Variants in KCNQ1OT1 observed in about 807,000 individuals in gnomAD.
The protein encoded by KCNQ1OT1 is KCNQ1 antisense RNA 2 (non-protein coding).
chr11:2,696,148 A>C (rs1219249811), exon 1 of KCNQ1OT1: 18 of 398,456 alleles, frequency 4.5e-5, no homozygotes, highest in Non-Finnish European at 7.1e-5. Flanking sequence ...TTTAGTCTTG[A>C]GGTTTGTGCT....
Position 2,647,620 on chromosome 11 carries a change from G to A in KCNQ1OT1, n.52375C>T. ...TGGTAGAATTCAGTAGAAAACCCGT[G>A]CAATCCTGAGGTTTTCTTTACTGGG... On this transcript the variant is annotated non_coding_transcript_exon_variant, in exon 1 of 1. Transcript: ENST00000597346. This position sits in a 1 kb window ranked among gnomAD's most constrained non-coding sequence, Gnocchi z 4.0. The A allele has an allele frequency of 2.5e-6, 1 of 398,492 alleles. No individual in the cohort carries two copies. Among genetic ancestry groups the A allele is most frequent in the Non-Finnish European group, 4.4e-6 (1 of 226,010 alleles). The allele number at this position is 398,492 out of a possible 1,614,324, so 24.7% of individuals were successfully genotyped here.
exon 1 of KCNQ1OT1, chr11:2,641,389 T>C: frequency 2.5e-6 from 1 of 398,058 alleles, no homozygotes; most frequent in Non-Finnish European, 4.4e-6. Flanking sequence ...ATTACTGATG[T>C]TGGGCTTTTT....
In KCNQ1OT1 at chr11:2,621,035, T is replaced by C; in HGVS notation, n.78960A>G. On this transcript the variant is annotated non_coding_transcript_exon_variant, in exon 1 of 1. Transcript: ENST00000597346. This position sits in a 1 kb window ranked among gnomAD's most constrained non-coding sequence, Gnocchi z 5.7. ...CTCTGTCTCCCAGGCTGGAGTGCAG[T>C]GGCGCAATCTCGGCTCACTGCAACC... 1 of 397,308 alleles carries C rather than the reference T, an allele frequency of 2.5e-6. No individual in the cohort carries two copies. The highest frequency in any genetic ancestry group is 3.6e-5 in the East Asian group (1 of 28,052). 24.6% of individuals were successfully genotyped at this position (397,308 alleles called of 1,614,324 possible). A position where few individuals can be genotyped will look rare whatever the true frequency, so the allele number is the denominator to read the frequency against.
In KCNQ1OT1 at chr11:2,691,166, C is replaced by T. The variant is rs548123415; in HGVS notation, n.8829G>A. On this transcript the variant is annotated non_coding_transcript_exon_variant, in exon 1 of 1. Transcript: ENST00000597346. This position sits in a 1 kb window ranked among gnomAD's most constrained non-coding sequence, Gnocchi z 6.4. ...GTGCTGGCCTCTGGCCTCTCACAGC[C>T]TTGGGAGGGGTGCTCAGAGCTCAGC... 7 of 398,644 alleles carry T rather than the reference C, an allele frequency of 1.8e-5. No individual in the cohort carries two copies. The highest frequency in any genetic ancestry group is 1.2e-4 in the African/African-American group (6 of 48,742). The allele number at this position is 398,644 out of a possible 1,614,324, so 24.7% of individuals were successfully genotyped here.
In KCNQ1OT1 at chr11:2,678,132, C is replaced by T; in HGVS notation, n.21863G>A. ...TCATATTCATTGAAAATATTTTATC[C>T]TCATTTTCCTTAGGTGTTTTGGCTT... On this transcript the variant is annotated non_coding_transcript_exon_variant, in exon 1 of 1. Transcript: ENST00000597346. The surrounding 1 kb of genome is among the most constrained non-coding windows in gnomAD (Gnocchi z 4.9). 2.5e-6 allele frequency: 1 copy of T among 398,154 alleles called. No individual in the cohort carries two copies. Among genetic ancestry groups the T allele is most frequent in the Non-Finnish European group, 4.4e-6 (1 of 225,918 alleles). The allele number at this position is 398,154 out of a possible 1,614,324, so 24.7% of individuals were successfully genotyped here.
At position 2,623,949 on chromosome 11, in the gene KCNQ1OT1, A is replaced by G; in HGVS notation, n.76046T>C. On this transcript the variant is annotated non_coding_transcript_exon_variant, in exon 1 of 1. Coordinates refer to ENST00000597346, the Ensembl canonical transcript of KCNQ1OT1. This position sits in a 1 kb window ranked among gnomAD's most constrained non-coding sequence, Gnocchi z 5.2. Reference sequence around the variant, plus strand: ...TTTTTAATTCTTTGAAGAACCACCAAACTCTTCTCCACCAGGGCTGCACCA... The same window carrying G: ...TTTTTAATTCTTTGAAGAACCACCAGACTCTTCTCCACCAGGGCTGCACCA... The G allele has an allele frequency of 2.5e-6, 1 of 398,634 alleles. No homozygotes were observed. Among genetic ancestry groups the G allele is most frequent in the Non-Finnish European group, 4.4e-6 (1 of 226,076 alleles). 24.7% of individuals were successfully genotyped at this position (398,634 alleles called of 1,614,324 possible).
At chr11:2,655,350 A>C in exon 1 of KCNQ1OT1, 1 of 398,698 alleles carries the variant, frequency 2.5e-6, no homozygotes, top group Admixed American at 4.4e-5. Context: ...GAATTAAAGC[A>C]TCAAAAACCA....
rs1850029123 is a variant in KCNQ1OT1 at position 2,664,555 on chromosome 11, C to G, written n.35440G>C. The G allele has an allele frequency of 2.5e-6, 1 of 398,546 alleles. No homozygotes were observed. Among genetic ancestry groups the G allele is most frequent in the Admixed American group, 4.4e-5 (1 of 22,722 alleles). The allele number at this position is 398,546 out of a possible 1,614,324, so 24.7% of individuals were successfully genotyped here. A position where few individuals can be genotyped will look rare whatever the true frequency, so the allele number is the denominator to read the frequency against. ...CCGCCTGGCGGCAGGGGTGTGGGGG[C>G]CGTGCAGGTCTTCTGCCCGCATTGG... On this transcript the variant is annotated non_coding_transcript_exon_variant, in exon 1 of 1. Transcript: ENST00000597346. The surrounding 1 kb of genome is among the most constrained non-coding windows in gnomAD (Gnocchi z 5.1).
chr11:2,699,409 G>A (rs1188633340), exon 1 of KCNQ1OT1: 2 of 403,448 alleles, frequency 5.0e-6, no homozygotes, highest in Non-Finnish European at 8.7e-6. Context: ...CAGAGAGATG[G>A]GGAGGGCCGC....
At position 2,623,076 on chromosome 11, in the gene KCNQ1OT1, G is replaced by C. The variant is rs1418631194; in HGVS notation, n.76919C>G. On this transcript the variant is annotated non_coding_transcript_exon_variant, in exon 1 of 1. Transcript: ENST00000597346. The surrounding 1 kb of genome is among the most constrained non-coding windows in gnomAD (Gnocchi z 5.2). ...CTTCCCCCTTGCTGTTCTCATGATA[G>C]TGAGTTCTCATGAGATCTGGTTGTT... 2.5e-6 allele frequency: 1 copy of C among 398,504 alleles called. No homozygotes were observed. The highest frequency in any genetic ancestry group is 2.1e-5 in the African/African-American group (1 of 48,608). The allele number at this position is 398,504 out of a possible 1,614,324, so 24.7% of individuals were successfully genotyped here. A position where few individuals can be genotyped will look rare whatever the true frequency, so the allele number is the denominator to read the frequency against.
chr11:2,645,053 A>G lies in KCNQ1OT1; in HGVS notation n.54942T>C, dbSNP rs977018995. 3.3e-5 allele frequency: 13 copies of G among 398,690 alleles called. No homozygotes were observed. Among genetic ancestry groups the G allele is most frequent in the South Asian group, 2.5e-4 (2 of 7,864 alleles). 24.7% of individuals were successfully genotyped at this position (398,690 alleles called of 1,614,324 possible). A position where few individuals can be genotyped will look rare whatever the true frequency, so the allele number is the denominator to read the frequency against. On this transcript the variant is annotated non_coding_transcript_exon_variant, in exon 1 of 1. Coordinates refer to ENST00000597346, the Ensembl canonical transcript of KCNQ1OT1. The surrounding 1 kb of genome is among the most constrained non-coding windows in gnomAD (Gnocchi z 5.8). ...CTCCAGGCAACTTGCTCAGGTGCCA[A>G]TGATGACAGAGCTGGGCCACAGGGT...
In KCNQ1OT1 at chr11:2,617,938, C is replaced by T; in HGVS notation, n.82057G>A. 1 of 398,538 alleles carries T rather than the reference C, an allele frequency of 2.5e-6. No individual in the cohort carries two copies. The highest frequency in any genetic ancestry group is 3.6e-5 in the East Asian group (1 of 28,074). 24.7% of individuals were successfully genotyped at this position (398,538 alleles called of 1,614,324 possible). A position where few individuals can be genotyped will look rare whatever the true frequency, so the allele number is the denominator to read the frequency against. On this transcript the variant is annotated non_coding_transcript_exon_variant, in exon 1 of 1. Transcript: ENST00000597346. The surrounding 1 kb of genome is among the most constrained non-coding windows in gnomAD (Gnocchi z 4.6). ...CCTTATAAATTTTGGATATTATCCT[C>T]TTATAAGATATATGGTTGGCAAATA...
chr11:2,682,546 AG>A lies in KCNQ1OT1; in HGVS notation n.17448del. 1 of 398,536 alleles carries A rather than the reference AG, an allele frequency of 2.5e-6. No individual in the cohort carries two copies. Among genetic ancestry groups the A allele is most frequent in the Non-Finnish European group, 4.4e-6 (1 of 226,074 alleles). 24.7% of individuals were successfully genotyped at this position (398,536 alleles called of 1,614,324 possible). On this transcript the variant is annotated non_coding_transcript_exon_variant, in exon 1 of 1. Transcript: ENST00000597346. This position sits in a 1 kb window ranked among gnomAD's most constrained non-coding sequence, Gnocchi z 5.8. Reference sequence around the variant, plus strand: ...TCAAACCAGGTGCTAGGACCCTGGCAGGGGTTCCATAAGGCTATGCTGGGGT... The same window carrying A: ...TCAAACCAGGTGCTAGGACCCTGGCAGGGTTCCATAAGGCTATGCTGGGGT...
Position 2,661,214 on chromosome 11 carries a change from C to G in KCNQ1OT1, n.38781G>C, listed in dbSNP as rs899547336. On this transcript the variant is annotated non_coding_transcript_exon_variant, in exon 1 of 1. Coordinates refer to ENST00000597346, the Ensembl canonical transcript of KCNQ1OT1. This position sits in a 1 kb window ranked among gnomAD's most constrained non-coding sequence, Gnocchi z 5.9. ...CATTGTGAATCTTTGAATTATTCCA[C>G]TTCTCACAGATGAGTACTTAATCCT... The G allele has an allele frequency of 2.5e-6, 1 of 398,666 alleles. No individual in the cohort carries two copies. Among genetic ancestry groups the G allele is most frequent in the Non-Finnish European group, 4.4e-6 (1 of 226,130 alleles). The allele number at this position is 398,666 out of a possible 1,614,324, so 24.7% of individuals were successfully genotyped here. A position where few individuals can be genotyped will look rare whatever the true frequency, so the allele number is the denominator to read the frequency against.
rs1189620400 is a variant in KCNQ1OT1 at position 2,698,608 on chromosome 11, C to A, written n.1387G>T. On this transcript the variant is annotated non_coding_transcript_exon_variant, in exon 1 of 1. Transcript: ENST00000597346. The surrounding 1 kb of genome is among the most constrained non-coding windows in gnomAD (Gnocchi z 5.1). ...TAGAGGCAGAACTTCGACTTCAATT[C>A]CTGACTCCCATACCCCACTGAGACC... The A allele has an allele frequency of 3.0e-5, 12 of 398,460 alleles. No individual in the cohort carries two copies. 24.7% of individuals were successfully genotyped at this position (398,460 alleles called of 1,614,324 possible).
In KCNQ1OT1 at chr11:2,661,580, G is replaced by A; in HGVS notation, n.38415C>T. 1.8e-6 allele frequency: 1 copy of A among 559,464 alleles called. No individual in the cohort carries two copies. The highest frequency in any genetic ancestry group is 3.2e-6 in the Non-Finnish European group (1 of 314,870). The allele number at this position is 559,464 out of a possible 1,614,324, so 34.7% of individuals were successfully genotyped here. On this transcript the variant is annotated non_coding_transcript_exon_variant, in exon 1 of 1. Coordinates refer to ENST00000597346, the Ensembl canonical transcript of KCNQ1OT1. This position sits in a 1 kb window ranked among gnomAD's most constrained non-coding sequence, Gnocchi z 5.9. ...TGAGTGTGACAATGTATGGTGGTGGGAGCTGTTGTCCCTTACCAGGCCTGT... is the reference window on the plus strand; with the variant it reads ...TGAGTGTGACAATGTATGGTGGTGGAAGCTGTTGTCCCTTACCAGGCCTGT...
chr11:2,688,275 G>T, exon 1 of KCNQ1OT1: 1 of 398,752 alleles, frequency 2.5e-6, no homozygotes, highest in Non-Finnish European at 4.4e-6. Flanking sequence ...CATGACCTCT[G>T]TTTAGACAAG....
Position 2,663,824 on chromosome 11 carries a change from T to C in KCNQ1OT1, n.36171A>G. On this transcript the variant is annotated non_coding_transcript_exon_variant, in exon 1 of 1. Coordinates refer to ENST00000597346, the Ensembl canonical transcript of KCNQ1OT1. This position sits in a 1 kb window ranked among gnomAD's most constrained non-coding sequence, Gnocchi z 5.2. ...CTATGGGGGTGAGGGCTGCCAGTGC[T>C]GGTATCAGCACATGCCAAGCTCCCT... The C allele has an allele frequency of 2.5e-6, 1 of 398,560 alleles. No homozygotes were observed. Among genetic ancestry groups the C allele is most frequent in the Non-Finnish European group, 4.4e-6 (1 of 226,068 alleles). 24.7% of individuals were successfully genotyped at this position (398,560 alleles called of 1,614,324 possible). A position where few individuals can be genotyped will look rare whatever the true frequency, so the allele number is the denominator to read the frequency against.
At chr11:2,631,163 T>C (rs1849346291) in exon 1 of KCNQ1OT1, 1 of 398,580 alleles carries the variant, frequency 2.5e-6, no homozygotes, top group African/African-American at 2.1e-5. Context: ...CCATTATTTC[T>C]CTGAATTAAC....
Sources: allele counts gnomAD v4.1 joint callset, GRCh38; gene constraint gnomAD v4.1.1; non-coding constraint Gnocchi (gnomAD v3.1); transcripts MANE v1.5; gene names NCBI Gene and HGNC (gene_info 2026-07-23, HGNC 2026-07-21).